Variants in INSC observed in about 807,000 individuals in gnomAD.
INSC encodes the protein protein inscuteable homolog.
In INSC, 67 loss-of-function variants were observed where a neutral mutation model predicts 58.6. That is an observed-to-expected ratio of 1.14 (90% CI 0.94 to 1.40). The LOEUF (loss-of-function observed/expected upper bound fraction) is 1.40. Among genes scored for constraint, INSC ranks in the 40% most tolerant of loss-of-function variants. The pLI is 0.00. For missense variants in INSC, 714 were observed against 692.0 expected (o/e 1.03, Z -0.36); for synonymous variants, 262 against 276.1 (o/e 0.95, Z 0.51).
intron 1 of INSC, among the ~76,000 whole-genome samples, chr11:15,126,596 A>G (rs1164934395): frequency 6.6e-6 from 1 of 152,222 alleles, no homozygotes; most frequent in Non-Finnish European, 1.5e-5. Context: ...AGGGGCATAT[A>G]TTGTCTAAGG....
At chr11:15,146,208 G>A (rs915480847) in intron 1 of INSC, among the ~76,000 whole-genome samples, 8 of 152,098 alleles carry the variant, frequency 5.3e-5, no homozygotes, top group Non-Finnish European at 1.0e-4. Flanking sequence ...TTCCTATCTC[G>A]CCTTCCAGAT....
chr11:15,149,342 C>A, intron 2 of INSC, 112 bp downstream of exon 2: 1 of 1,098,140 alleles, frequency 9.1e-7, no homozygotes, highest in Non-Finnish European at 1.2e-6. Context: ...ACGCAATTTT[C>A]TGGGGAGGAT....
At chr11:15,243,825 T>G (rs1259220212) in intron 12 of INSC, among the ~76,000 whole-genome samples, 1 of 151,812 alleles carries the variant, frequency 6.6e-6, no homozygotes, top group Non-Finnish European at 1.5e-5. Context: ...TACCTCACCC[T>G]ACCTCTCTCC....
chr11:15,223,862 T>G (rs991027560), intron 8 of INSC, among the ~76,000 whole-genome samples: 2 of 152,214 alleles, frequency 1.3e-5, no homozygotes, highest in Non-Finnish European at 2.9e-5. Context: ...GCTTGAATTA[T>G]CTAATGGTCA....
chr11:15,227,643 T>C (rs1226207884), intron 9 of INSC, among the ~76,000 whole-genome samples: 1 of 152,204 alleles, frequency 6.6e-6, no homozygotes, highest in Non-Finnish European at 1.5e-5. Context: ...ACAGATAAAG[T>C]GGTGACCCCC....
At chr11:15,219,312 A>G (rs1851346915) in intron 7 of INSC, among the ~76,000 whole-genome samples, 1 of 152,190 alleles carries the variant, frequency 6.6e-6, no homozygotes, top group Non-Finnish European at 1.5e-5. Flanking sequence ...TGGGAGACCC[A>G]AAGAAGGCCA....
intron 9 of INSC, among the ~76,000 whole-genome samples, chr11:15,229,006 T>C (rs1000157472): frequency 8.5e-5 from 13 of 152,166 alleles, no homozygotes; most frequent in African/African-American, 2.9e-4. Context: ...GGAGGTATTT[T>C]CCAGGAGCCA....
downstream of INSC, among the ~76,000 whole-genome samples, chr11:15,247,733 GTATA>G (rs57312382): frequency 0.035 from 4,444 of 127,380 alleles, 187 homozygotes; most frequent in Non-Finnish European, 0.056. Context: ...TAGAAATAAG[GTATA>G]TATATATATA....
At chr11:15,230,459 T>G (rs561695550) in intron 9 of INSC, among the ~76,000 whole-genome samples, 2 of 152,100 alleles carry the variant, frequency 1.3e-5, no homozygotes, top group Admixed American at 1.3e-4. Context: ...AATAGCACCA[T>G]GAAGATGGTG....
chr11:15,266,563 T>A, the INSC span, among the ~76,000 whole-genome samples: 206 of 152,116 alleles, frequency 1.4e-3, 2 homozygotes, highest in African/African-American at 4.7e-3. Flanking sequence ...TATAGCAGAC[T>A]ATATAAAATC....
At chr11:15,241,636 C>G in intron 12 of INSC, 1 of 702,882 alleles carries the variant, frequency 1.4e-6, no homozygotes, top group Non-Finnish European at 2.6e-6. Flanking sequence ...TTTATTTTGG[C>G]ACATTCAAGG....
At chr11:15,176,208 TA>T (rs1849570026) in intron 3 of INSC, 122 bp downstream of exon 3, 3 of 766,034 alleles carry the variant, frequency 3.9e-6, no homozygotes, top group Non-Finnish European at 6.1e-6. Context: ...CCCCTTCCAG[TA>T]AAGGAGGAAA....
chr11:15,236,295 T>A (rs1852126891), intron 10 of INSC, among the ~76,000 whole-genome samples: 1 of 148,408 alleles, frequency 6.7e-6, no homozygotes, highest in African/African-American at 2.5e-5. Context: ...AGTCTCAGGG[T>A]GGGGGGGTGG....
Position 15,175,717 on chromosome 11 carries a change from C to T in INSC, c.57-24C>T, listed in dbSNP as rs779388509. 3 of 1,503,726 alleles carry T rather than the reference C, an allele frequency of 2.0e-6. 1 individual carries two copies. In the South Asian group the frequency reaches 4.1e-5, roughly 21 times the overall value. 93.1% of individuals were successfully genotyped at this position (1,503,726 alleles called of 1,614,324 possible). A position where few individuals can be genotyped will look rare whatever the true frequency, so the allele number is the denominator to read the frequency against. On this transcript the variant is annotated intron_variant, in intron 2 of 12. Coordinates refer to ENST00000379556, the MANE Select transcript of INSC (RefSeq NM_001042536.3). ...GAAATCATGGGGTGTTGATAATTATCGTGGTGCTGTTTCCTGGTTGCAGGC... is the reference window on the plus strand; with the variant it reads ...GAAATCATGGGGTGTTGATAATTATTGTGGTGCTGTTTCCTGGTTGCAGGC...
chr11:15,114,117 C>A (rs1564852137), upstream of INSC, among the ~76,000 whole-genome samples: 1 of 147,608 alleles, frequency 6.8e-6, no homozygotes, highest in Non-Finnish European at 1.5e-5. Flanking sequence ...AGCAAGATGG[C>A]GGAGGCGGGG....
chr11:15,175,248 GCA>G (rs1849532591), intron 2 of INSC, among the ~76,000 whole-genome samples: 2 of 151,968 alleles, frequency 1.3e-5, no homozygotes, highest in African/African-American at 4.8e-5. Context: ...TTGCATATTA[GCA>G]CACACATTTT....
chr11:15,176,175 T>G, intron 3 of INSC, 89 bp downstream of exon 3: 1 of 1,133,050 alleles, frequency 8.8e-7, no homozygotes, highest in Non-Finnish European at 1.2e-6. Flanking sequence ...TGTCTGAATC[T>G]TTTTTGCTCC....
intron 2 of INSC, among the ~76,000 whole-genome samples, chr11:15,173,777 C>G (rs1403918757): frequency 6.6e-6 from 1 of 152,080 alleles, no homozygotes; most frequent in Non-Finnish European, 1.5e-5. Flanking sequence ...ATCATATGTT[C>G]AATTTCATAA....
chr11:15,192,341 CT>C lies in INSC; in HGVS notation c.693+1532del, dbSNP rs369974071. ...TGTCTTTGTGTTTTGAATGTCCTCT[CT>C]TTTTGCCACTTGGAAAACTCTTACT... On this transcript the variant is annotated intron_variant, in intron 6 of 12. Transcript: ENST00000379556. Among the ~76,000 whole-genome samples, 242 of 152,296 alleles carry C rather than the reference CT, an allele frequency of 1.6e-3. 1 individual carries two copies. The highest frequency in any genetic ancestry group is 5.4e-3 in the African/African-American group (225 of 41,576).
Sources: gnomAD v4.1 joint callset for allele counts (sites outside exome capture counted in the v4.1 genomes callset) on GRCh38, gnomAD v4.1.1 for gene constraint, MANE v1.5 for transcripts, NCBI Gene and HGNC (gene_info 2026-07-23, HGNC 2026-07-21) for gene names.